Variants in DNAH5 observed in about 807,000 individuals in gnomAD.
DNAH5 encodes dynein axonemal heavy chain 5, also known as axonemal beta dynein heavy chain 5.
Under a neutral mutation model 518.2 loss-of-function variants are expected in DNAH5, and 372 were observed. The observed-to-expected ratio is 0.72, with a 90% CI of 0.66 to 0.78. The LOEUF (loss-of-function observed/expected upper bound fraction) is 0.78. Among genes scored for constraint, DNAH5 ranks in the 30% least tolerant of loss-of-function variants. DNAH5 has a pLI of 0.00. For synonymous variants in DNAH5, 2,039 were observed against 2,025.9 expected (o/e 1.01, Z -0.17); for missense variants, 5,523 against 5,687.0 (o/e 0.97, Z 0.93).
intron 52 of DNAH5, among the ~76,000 whole-genome samples, chr5:13,784,574 C>T (rs1413507807): frequency 1.3e-5 from 2 of 152,136 alleles, no homozygotes; most frequent in Non-Finnish European, 2.9e-5. Context: ...CAGGTAATCC[C>T]TATTTTCAGA....
In DNAH5 at chr5:13,809,448, A is replaced by G. The variant is rs371933672; in HGVS notation, c.7610-262T>C. ...AAAATATATATTAGTTTTCAATAGC[A>G]TGAAATATGTATAAAAATACAGAAC... On this transcript the variant is annotated intron_variant, in intron 45 of 78. Transcript: ENST00000265104. Among the ~76,000 whole-genome samples the G allele has an allele frequency of 1.1e-4, 17 of 152,356 alleles. No homozygotes were observed. In the South Asian group the frequency reaches 2.1e-3, roughly 19 times the overall value.
chr5:13,987,304 T>G (rs1021566648), intron 1 of DNAH5, among the ~76,000 whole-genome samples: 6 of 152,066 alleles, frequency 3.9e-5, no homozygotes, highest in African/African-American at 1.2e-4. Context: ...AGGTCTATGG[T>G]ACACTCAGAC....
chr5:14,000,782 C>A (rs62344757), intron 1 of DNAH5, among the ~76,000 whole-genome samples: 4,287 of 152,238 alleles, frequency 0.028, 85 homozygotes, highest in Admixed American at 0.04. Context: ...CCCAGCAATC[C>A]CGTTACTGAG....
rs3058927 is a variant in DNAH5 at position 13,867,616 on chromosome 5, G to GAAAA, written c.4053+154_4053+157dup. ...AGAAACTCTAAGGGGAAAGAATTGT[G>GAAAA]AAAAAAAATGTTTTTCTCTCATGAA... On this transcript the variant is annotated intron_variant, in intron 25 of 78. Coordinates refer to ENST00000265104, the MANE Select transcript of DNAH5 (RefSeq NM_001369.3). 4.8e-4 allele frequency among the ~76,000 whole-genome samples: 73 copies of GAAAA among 151,634 alleles called. 1 individual carries two copies. Among genetic ancestry groups the GAAAA allele is most frequent in the African/African-American group, 1.4e-3 (58 of 41,340 alleles).
chr5:13,975,220 G>A (rs560218448), intron 1 of DNAH5, among the ~76,000 whole-genome samples: 47 of 152,244 alleles, frequency 3.1e-4, no homozygotes, highest in African/African-American at 8.9e-4. Context: ...ACATGGCGGC[G>A]GCAAGAAAGA....
In DNAH5 at chr5:13,708,195, G is replaced by C. The variant is rs1561084758; in HGVS notation, c.13266C>G (p.Ile4422Met). 6.2e-6 allele frequency: 10 copies of C among 1,614,192 alleles called. No homozygotes were observed. The highest frequency in any genetic ancestry group is 7.6e-6 in the Non-Finnish European group (9 of 1,180,020). The part of the protein sequence containing the change: ...TELKLAIDGT[I>M]IMSENLRDAL... ...CATCTCGCAGATTTTCGCTCATGATGATGGTGCCATCAATAGCAAGTTTCA... is the reference window on the plus strand; with the variant it reads ...CATCTCGCAGATTTTCGCTCATGATCATGGTGCCATCAATAGCAAGTTTCA... Residue 4422 changes from isoleucine (I) to methionine (M), a missense_variant, in exon 76 of 79, where the codon ATC (isoleucine) becomes ATG (methionine). Coordinates refer to ENST00000265104, the MANE Select transcript of DNAH5 (RefSeq NM_001369.3).
intron 37 of DNAH5, 92 bp downstream of exon 37, chr5:13,829,934 A>G: frequency 2.3e-6 from 3 of 1,326,462 alleles, no homozygotes; most frequent in East Asian, 2.4e-5. Flanking sequence ...CCCAATTTCC[A>G]TTCAGGAAAA....
At chr5:13,815,536 C>T (rs1162396044) in intron 42 of DNAH5, among the ~76,000 whole-genome samples, 1 of 152,188 alleles carries the variant, frequency 6.6e-6, no homozygotes, top group Non-Finnish European at 1.5e-5. Context: ...CTCCCCAGAA[C>T]CCGACCATGC....
intron 3 of DNAH5, 142 bp from the exon 4 acceptor site, chr5:13,923,582 C>A (rs1434946426): frequency 2.3e-6 from 2 of 858,308 alleles, no homozygotes; most frequent in Non-Finnish European, 3.8e-6. Flanking sequence ...TGAACAATCT[C>A]TAGCATGAGC....
rs565708742 is a variant in DNAH5, at chr5:13,944,213, A to T, written c.57+169T>A. On this transcript the variant is annotated intron_variant, in intron 1 of 78. Coordinates refer to ENST00000265104, the MANE Select transcript of DNAH5 (RefSeq NM_001369.3). ...CAGATGCAAAATTTTTTTTATTTAA[A>T]AAATGAATATGTAGCCTATGCACCA... Among the ~76,000 whole-genome samples, 39 of 152,382 alleles carry T rather than the reference A, an allele frequency of 2.6e-4. 1 individual carries two copies. The South Asian group carries it at 7.9e-3, about 31-fold the overall frequency.
chr5:13,708,110 G>A lies in DNAH5; in HGVS notation c.13338+13C>T. On this transcript the variant is annotated intron_variant, in intron 76 of 78. Transcript: ENST00000265104. ...TAAGTGAACAGGCAGAATAACAGCA[G>A]GCTTATACGTACTTTTTTCCACCAA... 1 of 1,613,084 alleles carries A rather than the reference G, an allele frequency of 6.2e-7. No individual in the cohort carries two copies. The highest frequency in any genetic ancestry group is 8.5e-7 in the Non-Finnish European group (1 of 1,179,162).
chr5:13,855,185 T>C (rs1234035253), intron 30 of DNAH5, among the ~76,000 whole-genome samples: 1 of 151,810 alleles, frequency 6.6e-6, no homozygotes, highest in African/African-American at 2.4e-5. Context: ...TCCACATAGA[T>C]TTTCATCATA....
At chr5:13,747,714 G>A (rs1355562953) in intron 65 of DNAH5, among the ~76,000 whole-genome samples, 15 of 152,212 alleles carry the variant, frequency 9.9e-5, no homozygotes, top group South Asian at 6.2e-4. Flanking sequence ...CATATCCTTC[G>A]CCCGCTTGTT....
At chr5:13,862,181 T>C (rs1051440465) in intron 29 of DNAH5, among the ~76,000 whole-genome samples, 2 of 152,090 alleles carry the variant, frequency 1.3e-5, no homozygotes, top group Non-Finnish European at 1.5e-5. Flanking sequence ...CAAGCTGAAA[T>C]GTTCCCAAGA....
chr5:13,901,477 C>A lies in DNAH5; in HGVS notation c.1827G>T (p.Lys609Asn), dbSNP rs1246332570. ...GAGCCAGAGGAGGATCGTATTTCTG[C>A]TTTGTATACAGCTTTGAAATCATAT... is the stretch of plus-strand genomic sequence containing the variant. ...DIDMISKLYT[K>N]QKYDPPLARN... The change falls in exon 14 of 79, where the codon AAG becomes AAT. Residue 609 changes from lysine (K) to asparagine (N), a missense_variant. Lys to Asn is a moderately conservative substitution (Grantham distance 94). Around this residue, in one of 3 missense-constraint regions of DNAH5, gnomAD observed 5,121 missense variants for 5,223.3 expected, o/e 0.98. Coordinates refer to ENST00000265104, the MANE Select transcript of DNAH5 (RefSeq NM_001369.3). 1 of 1,613,746 alleles carries A rather than the reference C, an allele frequency of 6.2e-7. No individual in the cohort carries two copies. Among genetic ancestry groups the A allele is most frequent in the African/African-American group, 1.3e-5 (1 of 74,914 alleles).
intron 53 of DNAH5, among the ~76,000 whole-genome samples, chr5:13,777,849 CATAA>C (rs1025711817): frequency 1.3e-5 from 2 of 152,158 alleles, no homozygotes; most frequent in Admixed American, 6.6e-5. Flanking sequence ...TTGTATTATA[CATAA>C]ATAAACTTGT....
intron 1 of DNAH5, among the ~76,000 whole-genome samples, chr5:13,965,586 A>G (rs1446179769): frequency 1.3e-5 from 2 of 152,216 alleles, no homozygotes; most frequent in Admixed American, 1.3e-4. Context: ...AGTCTCTTCC[A>G]ACCAATTTCC....
chr5:14,006,090 C>T (rs541678342), intron 1 of DNAH5, among the ~76,000 whole-genome samples: 2 of 150,738 alleles, frequency 1.3e-5, no homozygotes, highest in Non-Finnish European at 2.9e-5. Context: ...CCAACCCTGG[C>T]GTTGTGTTCC....
At chr5:13,891,178 A>G in intron 16 of DNAH5, 57 bp from the exon 17 acceptor site, 1 of 1,586,444 alleles carries the variant, frequency 6.3e-7, no homozygotes, top group Non-Finnish European at 8.6e-7. Context: ...TTGTTTTTTA[A>G]AAAAATCAAC....
Sources: gnomAD v4.1 joint callset for allele counts (sites outside exome capture counted in the v4.1 genomes callset) on GRCh38, gnomAD v4.1.1 for gene constraint, gnomAD v4.1.1 regional missense constraint, MANE v1.5 for transcripts, NCBI Gene and HGNC (gene_info 2026-07-23, HGNC 2026-07-21) for gene names.